The following PLCXD3 variants were observed in gnomAD, a reference collection of about 807,000 sequenced individuals.
PLCXD3 encodes the protein PI-PLC X domain-containing protein 3.
PLCXD3 carries 19 observed loss-of-function variants against 25.5 expected under a neutral mutation model. That is an observed-to-expected ratio of 0.75 (90% confidence interval 0.52 to 1.09). PLCXD3 has a LOEUF of 1.09. Ranked by LOEUF, PLCXD3 falls within the 50% of genes least tolerant of loss-of-function variation. PLCXD3 has a pLI of 0.00. For synonymous variants in PLCXD3, 174 were observed against 137.6 expected, an observed-to-expected ratio of 1.26 and a Z score of -1.85; for missense variants, 411 against 388.1, an observed-to-expected ratio of 1.06 and a Z score of -0.50.
chr5:41,440,215 A>ATTTTTTTTTTTTTTTTTTT lies in PLCXD3; in HGVS notation c.104-57700_104-57682dup, dbSNP rs70988846. ...TCTGAGCAAATTACATAATCTCTCA[A>ATTTTTTTTTTTTTTTTTTT]TTTTTTTTTTTTTTTTTTTTTTTTT... On this transcript the variant is annotated intron_variant, in intron 1 of 2. Coordinates refer to ENST00000377801, the MANE Select transcript of PLCXD3 (RefSeq NM_001005473.3). Among the ~76,000 whole-genome samples, 52 of 41,076 alleles carry ATTTTTTTTTTTTTTTTTTT rather than the reference A, an allele frequency of 1.3e-3. 1 individual carries two copies. The highest frequency in any genetic ancestry group is 0.017 in the Middle Eastern group (1 of 60). The allele number at this position is 41,076 out of a possible 152,430, so 26.9% of individuals were successfully genotyped here.
intron 1 of PLCXD3, among the ~76,000 whole-genome samples, chr5:41,418,611 A>G (rs1222933949): frequency 1.3e-5 from 2 of 152,174 alleles, no homozygotes; most frequent in Non-Finnish European, 2.9e-5. Context: ...ATGGTATGTA[A>G]TTCAGTTGCA....
At chr5:41,480,940 TATA>T (rs755844007) in intron 1 of PLCXD3, among the ~76,000 whole-genome samples, 5 of 151,600 alleles carry the variant, frequency 3.3e-5, no homozygotes, top group Non-Finnish European at 5.9e-5. Context: ...CAAACAAAGT[TATA>T]GCATAGTGGA....
intron 1 of PLCXD3, among the ~76,000 whole-genome samples, chr5:41,499,400 T>G (rs1002892708): frequency 2.0e-5 from 3 of 151,558 alleles, no homozygotes; most frequent in Admixed American, 6.6e-5. Context: ...ACTTACAATA[T>G]TATCAAAAGG....
chr5:41,345,886 TTTTTTC>T lies in PLCXD3; in HGVS notation c.813-32122_813-32117del, dbSNP rs1412671893. 5.0e-5 allele frequency among the ~76,000 whole-genome samples: 4 copies of T among 80,106 alleles called. No homozygotes were observed. In the East Asian group the frequency reaches 1.9e-3, roughly 38 times the overall value. 52.6% of individuals were successfully genotyped at this position (80,106 alleles called of 152,430 possible). A position where few individuals can be genotyped will look rare whatever the true frequency, so the allele number is the denominator to read the frequency against. Reference sequence around the variant, plus strand: ...TTTCTTTTTTCTTTTCTTTTTTTTATTTTTTCTTTTTGAGACGGAGTCTCACTCTGT... The same window carrying T: ...TTTCTTTTTTCTTTTCTTTTTTTTATTTTTTGAGACGGAGTCTCACTCTGT... On this transcript the variant is annotated intron_variant, in intron 2 of 2. Coordinates refer to ENST00000377801, the MANE Select transcript of PLCXD3 (RefSeq NM_001005473.3).
chr5:41,503,942 C>T (rs1749004976), intron 1 of PLCXD3, among the ~76,000 whole-genome samples: 1 of 151,962 alleles, frequency 6.6e-6, no homozygotes, highest in Non-Finnish European at 1.5e-5. Context: ...CACAGCTTTC[C>T]CCTTTAAGCA....
Position 41,307,766 on chromosome 5 carries a change from T to A in PLCXD3, c.*5851A>T, listed in dbSNP as rs916727120. 7.9e-5 allele frequency: 12 copies of A among 152,076 alleles called. No individual in the cohort carries two copies. Among genetic ancestry groups the A allele is most frequent in the African/African-American group, 2.9e-4 (12 of 41,402 alleles). 9.4% of individuals were successfully genotyped at this position (152,076 alleles called of 1,614,324 possible). The stretch of plus-strand genomic sequence containing the variant: ...CTGATAAAAATAATTTGTGGTAAGA[T>A]GTGAATGGGGGAAATAATGAATTCG... On this transcript the variant is annotated 3_prime_UTR_variant, in exon 3 of 3. Coordinates refer to ENST00000377801, the MANE Select transcript of PLCXD3 (RefSeq NM_001005473.3).
intron 1 of PLCXD3, among the ~76,000 whole-genome samples, chr5:41,401,646 A>G (rs989650407): frequency 6.6e-5 from 10 of 152,006 alleles, no homozygotes; most frequent in Non-Finnish European, 1.3e-4. Flanking sequence ...TCATTCTATT[A>G]TAACGAGACT....
chr5:41,485,473 A>G (rs1390192994), intron 1 of PLCXD3, among the ~76,000 whole-genome samples: 1 of 152,102 alleles, frequency 6.6e-6, no homozygotes, highest in Non-Finnish European at 1.5e-5. Flanking sequence ...CCCCTCCTTC[A>G]TGTATTTGAA....
chr5:41,315,444 T>G (rs1401703532), intron 2 of PLCXD3, among the ~76,000 whole-genome samples: 2 of 149,592 alleles, frequency 1.3e-5, no homozygotes, highest in Non-Finnish European at 3.0e-5. Flanking sequence ...ATAGAGGGCC[T>G]TGAGAAATAT....
intron 2 of PLCXD3, among the ~76,000 whole-genome samples, chr5:41,369,254 T>C (rs1745023855): frequency 6.6e-6 from 1 of 152,150 alleles, no homozygotes. Flanking sequence ...TTCAGGATAC[T>C]TAACAATAGT....
At chr5:41,404,901 T>C (rs1437376637) in intron 1 of PLCXD3, among the ~76,000 whole-genome samples, 1 of 152,186 alleles carries the variant, frequency 6.6e-6, no homozygotes, top group East Asian at 1.9e-4. Flanking sequence ...CCAGTATCCA[T>C]ATCCTGACCT....
intron 1 of PLCXD3, among the ~76,000 whole-genome samples, chr5:41,460,402 G>A (rs1418636830): frequency 1.3e-5 from 2 of 151,928 alleles, no homozygotes; most frequent in East Asian, 3.9e-4. Context: ...CTCATCTTCT[G>A]TAAGTATATG....
intron 1 of PLCXD3, among the ~76,000 whole-genome samples, chr5:41,402,330 T>C (rs927573263): frequency 2.0e-5 from 3 of 151,812 alleles, no homozygotes; most frequent in Non-Finnish European, 2.9e-5. Flanking sequence ...CCCTCTGATT[T>C]ATTCTTTAAC....
chr5:41,481,537 C>T (rs1748414106), intron 1 of PLCXD3, among the ~76,000 whole-genome samples: 2 of 152,160 alleles, frequency 1.3e-5, no homozygotes, highest in East Asian at 3.8e-4. Flanking sequence ...TGCAGGGGGA[C>T]CCTAAAACTC....
intron 1 of PLCXD3, among the ~76,000 whole-genome samples, chr5:41,419,392 A>G (rs1470242674): frequency 6.6e-6 from 1 of 152,206 alleles, no homozygotes; most frequent in African/African-American, 2.4e-5. Context: ...TCAAAGTGCT[A>G]GGGGAACATT....
intron 1 of PLCXD3, among the ~76,000 whole-genome samples, chr5:41,392,389 G>A (rs192227108): frequency 1.9e-3 from 286 of 152,252 alleles, no homozygotes; most frequent in Non-Finnish European, 3.4e-3. Flanking sequence ...TTGGGATAAA[G>A]TAAGAGAAGA....
intron 1 of PLCXD3, among the ~76,000 whole-genome samples, chr5:41,501,801 CAAAT>C (rs1748957219): frequency 6.6e-6 from 1 of 151,966 alleles, no homozygotes; most frequent in South Asian, 2.1e-4. Flanking sequence ...GCTGAAATGT[CAAAT>C]AAGATGATAG....
chr5:41,396,515 A>G (rs1365756963), intron 1 of PLCXD3, among the ~76,000 whole-genome samples: 1 of 152,186 alleles, frequency 6.6e-6, no homozygotes, highest in African/African-American at 2.4e-5. Flanking sequence ...CAATGTGAGA[A>G]TGGACTAATA....
intron 2 of PLCXD3, among the ~76,000 whole-genome samples, chr5:41,327,405 A>AAAG (rs146514272): frequency 0.094 from 14,254 of 152,174 alleles, 935 homozygotes; most frequent in East Asian, 0.35. Context: ...TTTCTCCTGC[A>AAAG]AAGAATTTGA....
Sources: gnomAD v4.1 joint callset for allele counts (sites outside exome capture counted in the v4.1 genomes callset) on GRCh38, gnomAD v4.1.1 for gene constraint, MANE v1.5 for transcripts, NCBI Gene and HGNC (gene_info 2026-07-23, HGNC 2026-07-21) for gene names.